DACH2: variants seen among roughly 807,000 people sequenced by gnomAD.
DACH2 encodes the protein dachshund homolog 2.
In DACH2, 17 loss-of-function variants were observed where a neutral mutation model predicts 35.8. That is an observed-to-expected ratio of 0.48 (90% CI 0.33 to 0.71). The LOEUF is 0.71. Ranked by LOEUF, DACH2 falls within the 30% of genes least tolerant of loss-of-function variation. DACH2 has a pLI of 0.02. For synonymous variants in DACH2, 195 were observed against 177.3 expected, an observed-to-expected ratio of 1.10 and a Z score of -0.79; for missense variants, 469 against 472.7, an observed-to-expected ratio of 0.99 and a Z score of 0.07.
At chrX:86,394,935 G>A (rs187259340) in intron 2 of DACH2, among the ~76,000 whole-genome samples, 207 of 111,705 alleles carry the variant, frequency 1.9e-3, no homozygotes, top group Admixed American at 3.7e-3. Flanking sequence ...TGCTCTGTGC[G>A]TAGGAAAGTG....
intron 5 of DACH2, among the ~76,000 whole-genome samples, chrX:86,703,607 T>C (rs750549407): frequency 8.9e-6 from 1 of 111,856 alleles, no homozygotes; most frequent in Non-Finnish European, 1.9e-5. Context: ...AAAAAAATTG[T>C]AGCATTTCTA....
At chrX:86,403,999 C>A (rs1443671904) in intron 2 of DACH2, among the ~76,000 whole-genome samples, 2 of 108,548 alleles carry the variant, frequency 1.8e-5, no homozygotes, top group East Asian at 5.8e-4. Flanking sequence ...TTTTTTAAAG[C>A]ACCAGATCTC....
At chrX:86,570,595 G>A (rs2039353652) in intron 3 of DACH2, among the ~76,000 whole-genome samples, 2 of 110,388 alleles carry the variant, frequency 1.8e-5, no homozygotes, top group South Asian at 7.7e-4. Context: ...TTGGGGGAGG[G>A]TGAAGCGGGA....
At chrX:86,520,893 A>C (rs1171384622) in intron 3 of DACH2, among the ~76,000 whole-genome samples, 1 of 111,082 alleles carries the variant, frequency 9.0e-6, no homozygotes, top group Non-Finnish European at 1.9e-5. Flanking sequence ...CATTTAGCCC[A>C]TTTACATTCA....
At chrX:86,783,256 A>T (rs2042106345) in intron 7 of DACH2, among the ~76,000 whole-genome samples, 1 of 111,906 alleles carries the variant, frequency 8.9e-6, no homozygotes, top group African/African-American at 3.2e-5. Flanking sequence ...TATCCAAAAG[A>T]TAGGCAATAA....
At chrX:86,546,608 G>C (rs1417243433) in intron 3 of DACH2, among the ~76,000 whole-genome samples, 1 of 100,571 alleles carries the variant, frequency 9.9e-6, no homozygotes. Context: ...TCTGCGTCCC[G>C]GGTCCAAGCG....
At chrX:86,443,541 G>T (rs1318437857) in intron 2 of DACH2, among the ~76,000 whole-genome samples, 1 of 108,456 alleles carries the variant, frequency 9.2e-6, no homozygotes. Context: ...TCTCTGGTTA[G>T]GGATATTACT....
At chrX:86,325,280 C>T (rs1401608419) in intron 1 of DACH2, among the ~76,000 whole-genome samples, 1 of 111,430 alleles carries the variant, frequency 9.0e-6, no homozygotes, top group African/African-American at 3.3e-5. Context: ...TGCCAGCGAG[C>T]TCACGCTTAA....
chrX:86,329,989 GT>G (rs1037312507), intron 1 of DACH2, among the ~76,000 whole-genome samples: 1 of 111,727 alleles, frequency 9.0e-6, no homozygotes, highest in African/African-American at 3.2e-5. Flanking sequence ...AGAAAACTGT[GT>G]TTGTTGAGAT....
rs2041314625 is a variant in DACH2 at position 86,714,601 on chromosome X, C to T, written c.985C>T (p.Pro329Ser). Residue 329 changes from proline (P) to serine (S), a missense_variant, in exon 6 of 12, where the codon CCT becomes TCT. Coordinates refer to ENST00000373125, the MANE Select transcript of DACH2 (RefSeq NM_053281.3). ...TCATCCCCTACTTCCAGTCAGCTTA[C>T]CTCCTGCATCAGTTGCCATGGCAAT... ...MPHPLLPVSL[P>S]PASVAMAMNQ... The T allele has an allele frequency of 8.3e-7, 1 of 1,209,027 alleles. No individual in the cohort carries two copies. The highest frequency in any genetic ancestry group is 2.2e-5 in the Admixed American group (1 of 45,976).
intron 2 of DACH2, among the ~76,000 whole-genome samples, chrX:86,472,078 G>A (rs1428167426): frequency 3.6e-5 from 4 of 111,709 alleles, no homozygotes; most frequent in Non-Finnish European, 7.5e-5. Flanking sequence ...GAATGAATGC[G>A]GATTATTACG....
intron 7 of DACH2, among the ~76,000 whole-genome samples, chrX:86,759,420 T>G (rs899195345): frequency 2.7e-5 from 3 of 111,862 alleles, no homozygotes; most frequent in African/African-American, 9.7e-5. Flanking sequence ...AAAGTCTGTT[T>G]TATCTAAGTA....
chrX:86,562,231 T>TTTTTG (rs755292206), intron 3 of DACH2, among the ~76,000 whole-genome samples: 152 of 110,979 alleles, frequency 1.4e-3, no homozygotes, highest in African/African-American at 4.6e-3. Context: ...TGACACATGT[T>TTTTTG]TTTTGTTTTG....
At chrX:86,197,576 G>A (rs2032025788) in intron 1 of DACH2, among the ~76,000 whole-genome samples, 1 of 109,791 alleles carries the variant, frequency 9.1e-6, no homozygotes, top group African/African-American at 3.3e-5. Flanking sequence ...AATCTACCAA[G>A]CAAATAGAAA....
At chrX:86,359,396 C>T (rs1053967934) in intron 1 of DACH2, among the ~76,000 whole-genome samples, 2 of 110,833 alleles carry the variant, frequency 1.8e-5, no homozygotes, top group Non-Finnish European at 3.8e-5. Context: ...CTAGAGTGCA[C>T]GATTTTCTAA....
intron 1 of DACH2, 88 bp downstream of exon 1, chrX:86,149,196 T>C: frequency 9.7e-7 from 1 of 1,030,660 alleles, no homozygotes; most frequent in Non-Finnish European, 1.3e-6. Context: ...ACTTTGTTTG[T>C]AGAGTGAGTC....
chrX:86,403,335 C>T (rs2036467786), intron 2 of DACH2, among the ~76,000 whole-genome samples: 1 of 111,136 alleles, frequency 9.0e-6, no homozygotes, highest in South Asian at 3.7e-4. Context: ...AGTCAACAGA[C>T]AAAAACCAAA....
rs754948771 is a variant in DACH2, at chrX:86,284,806, T to C, written c.489-92018T>C. ...CTTGTTACTTTGATCTCATTTCGGC[T>C]TCAATCTCATTACTTGTTATTGGTC... On this transcript the variant is annotated intron_variant, in intron 1 of 11. Coordinates refer to ENST00000373125, the MANE Select transcript of DACH2 (RefSeq NM_053281.3). Among the ~76,000 whole-genome samples the C allele has an allele frequency of 2.7e-5, 3 of 111,299 alleles. No homozygotes were observed. In the East Asian group the frequency reaches 8.5e-4, roughly 31 times the overall value.
intron 2 of DACH2, among the ~76,000 whole-genome samples, chrX:86,383,006 T>C (rs1229928589): frequency 9.0e-6 from 1 of 110,778 alleles, no homozygotes; most frequent in African/African-American, 3.3e-5. Flanking sequence ...CACTATTTTA[T>C]TGCATTGCTT....
Sources: gnomAD v4.1 joint callset for allele counts (sites outside exome capture counted in the v4.1 genomes callset) on GRCh38, gnomAD v4.1.1 for gene constraint, MANE v1.5 for transcripts, NCBI Gene and HGNC (gene_info 2026-07-23, HGNC 2026-07-21) for gene names.